Variants in MAP3K14 observed in about 807,000 individuals in gnomAD.
MAP3K14 encodes the protein NF-kappa-beta-inducing kinase.
A neutral mutation model predicts 99.2 loss-of-function variants in MAP3K14; 16 were observed. That is an observed-to-expected ratio of 0.16 (90% CI 0.11 to 0.24). The LOEUF is 0.24. MAP3K14 is among the 10% of genes least tolerant of loss of function. The pLI is 1.00. For synonymous variants in MAP3K14, 462 were observed against 492.4 expected, an observed-to-expected ratio of 0.94 and a Z score of 0.82; for missense variants, 784 against 1,208.7, an observed-to-expected ratio of 0.65 and a Z score of 5.21.
intron 9 of MAP3K14, among the ~76,000 whole-genome samples, chr17:45,271,579 C>G (rs974359355): frequency 1.3e-5 from 2 of 152,208 alleles, no homozygotes; most frequent in African/African-American, 4.8e-5. Context: ...CTCCTGACCT[C>G]AGGTGATCCA....
intron 7 of MAP3K14, 45 bp downstream of exon 7, chr17:45,274,419 C>T: frequency 6.2e-7 from 1 of 1,609,588 alleles, no homozygotes; most frequent in East Asian, 2.2e-5. Context: ...CAGGGGGGAA[C>T]TCTTGGCCCT....
intron 11 of MAP3K14, among the ~76,000 whole-genome samples, 188 bp downstream of exon 11, chr17:45,270,225 G>A (rs963285592): frequency 6.6e-5 from 10 of 152,126 alleles, no homozygotes; most frequent in African/African-American, 1.9e-4. Context: ...TCTCCTGAGC[G>A]CTGCCTCTGG....
chr17:45,301,029 A>G (rs546832148), intron 1 of MAP3K14, among the ~76,000 whole-genome samples: 1 of 152,088 alleles, frequency 6.6e-6, no homozygotes, highest in South Asian at 2.1e-4. Context: ...TTAGCTGAGC[A>G]TAGTCACACG....
intron 1 of MAP3K14, among the ~76,000 whole-genome samples, chr17:45,316,590 G>A (rs2044535313): frequency 6.6e-6 from 1 of 152,208 alleles, no homozygotes. Flanking sequence ...TCCGCCCCGC[G>A]GCAGGCGAGC....
Position 45,267,540 on chromosome 17 carries a change from G to A in MAP3K14, c.2192C>T (p.Thr731Ile). The A allele has an allele frequency of 6.2e-7, 1 of 1,613,594 alleles. No homozygotes were observed. The highest frequency in any genetic ancestry group is 8.5e-7 in the Non-Finnish European group (1 of 1,179,680). Residue 731 changes from threonine to isoleucine, a missense_variant, in exon 12 of 16, where the codon ACT becomes ATT. Physicochemically the swap from Thr to Ile is moderately conservative, Grantham distance 89. Transcript: ENST00000344686. The surrounding 1 kb of genome is among the most constrained non-coding windows in gnomAD (Gnocchi z 5.1). ...PPEPNKSPPL[T>I]LSKEESGMWE... Reference sequence around the variant, plus strand: ...CATCCCAGACTCCTCCTTGCTCAAAGTCAAGGGAGGAGACTTGTTTGGCTC... The same window carrying A: ...CATCCCAGACTCCTCCTTGCTCAAAATCAAGGGAGGAGACTTGTTTGGCTC...
intron 11 of MAP3K14, among the ~76,000 whole-genome samples, chr17:45,270,183 T>C (rs1408842480): frequency 2.6e-5 from 4 of 152,156 alleles, no homozygotes; most frequent in Admixed American, 2.6e-4. Context: ...GAAAAAGCAC[T>C]TCGAGTTTGC....
intron 9 of MAP3K14, among the ~76,000 whole-genome samples, chr17:45,271,823 C>CA (rs1567988491): frequency 6.6e-6 from 1 of 152,066 alleles, no homozygotes; most frequent in East Asian, 1.9e-4. Context: ...CTGGACATTA[C>CA]AAATTAGGTT....
At chr17:45,274,279 A>T (rs1567989691) in intron 7 of MAP3K14, 25 bp from the exon 8 acceptor site, 8 of 1,594,758 alleles carry the variant, frequency 5.0e-6, no homozygotes, top group Non-Finnish European at 6.0e-6. Context: ...GCCAGGCTAT[A>T]CATGGGACTT....
chr17:45,284,970 A>G (rs746039104), intron 5 of MAP3K14, 21 bp from the exon 6 acceptor site: 4 of 1,550,234 alleles, frequency 2.6e-6, no homozygotes. Context: ...CAGGAGAGAG[A>G]GGACAGTTTC....
Position 45,264,624 on chromosome 17 carries a change from T to A in MAP3K14, c.*12A>T. ...GCTTCCGGCAGTGTGGAGCCGGCGG[T>A]GGAGGGCAGGGTTAGGGCCTGTTCT... On this transcript the variant is annotated 3_prime_UTR_variant, in exon 16 of 16. Transcript: ENST00000344686. 1 of 1,563,786 alleles carries A rather than the reference T, an allele frequency of 6.4e-7. No individual in the cohort carries two copies. Among genetic ancestry groups the A allele is most frequent in the Non-Finnish European group, 8.7e-7 (1 of 1,155,082 alleles).
chr17:45,289,158 C>T (rs770006837), intron 3 of MAP3K14, 78 bp downstream of exon 3: 15 of 1,294,388 alleles, frequency 1.2e-5, no homozygotes, highest in Middle Eastern at 2.3e-4. Context: ...TCAGCAGGAG[C>T]GGCCCAGGCA....
At chr17:45,294,894 C>T (rs2044336000) in intron 1 of MAP3K14, among the ~76,000 whole-genome samples, 1 of 152,210 alleles carries the variant, frequency 6.6e-6, no homozygotes, top group African/African-American at 2.4e-5. Flanking sequence ...TTCCTTGTTA[C>T]ACTAGCTACC....
rs1567988575 is a variant in MAP3K14, at chr17:45,272,090, G to A, written c.1658-869C>T. Reference sequence around the variant, plus strand: ...TAATCCCAGCACTTTGGGAGACTGAGGTGGGAGGAATGCTTAAATCCAGGA... The same window carrying A: ...TAATCCCAGCACTTTGGGAGACTGAAGTGGGAGGAATGCTTAAATCCAGGA... On this transcript the variant is annotated intron_variant, in intron 9 of 15. Transcript: ENST00000344686. The surrounding 1 kb of genome is among the most constrained non-coding windows in gnomAD (Gnocchi z 4.1). Among the ~76,000 whole-genome samples, 1 of 152,144 alleles carries A rather than the reference G, an allele frequency of 6.6e-6. No homozygotes were observed. Among genetic ancestry groups the A allele is most frequent in the Non-Finnish European group, 1.5e-5 (1 of 68,046 alleles).
chr17:45,279,207 G>A (rs904678163), intron 6 of MAP3K14, among the ~76,000 whole-genome samples: 5 of 152,126 alleles, frequency 3.3e-5, no homozygotes, highest in Admixed American at 2.0e-4. Flanking sequence ...TCGGCTCACC[G>A]CAACCTCCGC....
At chr17:45,271,556 G>C (rs961889776) in intron 9 of MAP3K14, among the ~76,000 whole-genome samples, 1 of 152,146 alleles carries the variant, frequency 6.6e-6, no homozygotes, top group Non-Finnish European at 1.5e-5. Flanking sequence ...ATGTTGGCCA[G>C]GCTGGTCTCG....
chr17:45,273,426 T>C, intron 9 of MAP3K14, 77 bp downstream of exon 9: 1 of 1,135,396 alleles, frequency 8.8e-7, no homozygotes, highest in Non-Finnish European at 1.3e-6. Flanking sequence ...CACACCTCAA[T>C]TCCCATTCTG....
intron 6 of MAP3K14, among the ~76,000 whole-genome samples, chr17:45,275,495 CAAAA>C (rs983626073): frequency 1.3e-4 from 10 of 79,284 alleles, no homozygotes; most frequent in East Asian, 5.3e-4. Flanking sequence ...AAAAAAAAAA[CAAAA>C]AAAAACCCAC....
At chr17:45,315,900 G>A (rs938820566) in intron 1 of MAP3K14, among the ~76,000 whole-genome samples, 1 of 152,194 alleles carries the variant, frequency 6.6e-6, no homozygotes, top group East Asian at 1.9e-4. Context: ...CTAATGTTAA[G>A]ATACTGTCTC....
chr17:45,276,040 C>T (rs927066959), intron 6 of MAP3K14, among the ~76,000 whole-genome samples: 3 of 152,134 alleles, frequency 2.0e-5, no homozygotes, highest in Admixed American at 6.5e-5. Flanking sequence ...GGATTACAGG[C>T]GTGAGCCACC....
Sources: gnomAD v4.1 joint callset for allele counts (sites outside exome capture counted in the v4.1 genomes callset) on GRCh38, gnomAD v4.1.1 for gene constraint, Gnocchi (gnomAD v3.1) non-coding constraint, MANE v1.5 for transcripts, NCBI Gene and HGNC (gene_info 2026-07-23, HGNC 2026-07-21) for gene names.